Variants in PI4KA observed in about 807,000 individuals in gnomAD.
PI4KA encodes phosphatidylinositol 4-kinase alpha.
Under a neutral mutation model 271.4 loss-of-function variants are expected in PI4KA, and 122 were observed. That is an observed-to-expected ratio of 0.45 (90% CI 0.39 to 0.52). The LOEUF (loss-of-function observed/expected upper bound fraction) is 0.52, where lower values mean the gene tolerates loss of function less well. Ranked by LOEUF, PI4KA falls within the 20% of genes least tolerant of loss-of-function variation. The pLI is 0.00. For missense variants in PI4KA, 1,969 were observed against 2,769.1 expected, an observed-to-expected ratio of 0.71 and a Z score of 6.48; for synonymous variants, 1,041 against 1,078.8, an observed-to-expected ratio of 0.96 and a Z score of 0.69.
At chr22:20,716,999 A>G (rs1176895639) in intron 45 of PI4KA, among the ~76,000 whole-genome samples, 1 of 152,164 alleles carries the variant, frequency 6.6e-6, no homozygotes, top group Non-Finnish European at 1.5e-5. Context: ...TAATCCTAGC[A>G]CTTTGGGAGG....
At chr22:20,748,198 G>A (rs1930317765) in intron 28 of PI4KA, among the ~76,000 whole-genome samples, 2 of 152,246 alleles carry the variant, frequency 1.3e-5, no homozygotes, top group Admixed American at 1.3e-4. Context: ...ATTTGACTGA[G>A]GACAAGGCCA....
At chr22:20,784,285 T>C in intron 19 of PI4KA, 3 of 1,612,794 alleles carry the variant, frequency 1.9e-6, no homozygotes, top group Non-Finnish European at 1.7e-6. Flanking sequence ...AGCTCCCAGA[T>C]GCTGGGGGTG....
At chr22:20,726,629 GC>G in intron 41 of PI4KA, 88 bp from the exon 42 acceptor site, 1 of 1,194,226 alleles carries the variant, frequency 8.4e-7, no homozygotes, top group Non-Finnish European at 1.2e-6. Flanking sequence ...CTTCTGCTCT[GC>G]CCACAGCAGG....
At chr22:20,814,020 AAC>A (rs1921410816) in intron 7 of PI4KA, among the ~76,000 whole-genome samples, 2 of 152,172 alleles carry the variant, frequency 1.3e-5, no homozygotes, top group Non-Finnish European at 2.9e-5. Context: ...GCTAGTCTCG[AAC>A]TCCTGACCTC....
intron 19 of PI4KA, among the ~76,000 whole-genome samples, chr22:20,790,169 G>A (rs957560799): frequency 6.6e-6 from 1 of 152,112 alleles, no homozygotes; most frequent in Admixed American, 6.5e-5. Context: ...CCAGGAAGGA[G>A]CCTCAGAGAT....
At chr22:20,784,124 G>A (rs1201336027) in intron 19 of PI4KA, 3 of 1,614,148 alleles carry the variant, frequency 1.9e-6, no homozygotes, top group Non-Finnish European at 2.5e-6. Flanking sequence ...CCTCCAGCTG[G>A]AATACGTGGG....
chr22:20,835,417 G>T (rs1427904259), intron 2 of PI4KA, among the ~76,000 whole-genome samples: 2 of 152,168 alleles, frequency 1.3e-5, no homozygotes, highest in Admixed American at 6.5e-5. Context: ...CAAACCACAT[G>T]GTAGTTTTAA....
intron 23 of PI4KA, among the ~76,000 whole-genome samples, chr22:20,755,582 CTT>C (rs1931195154): frequency 6.6e-6 from 1 of 152,036 alleles, no homozygotes; most frequent in Admixed American, 6.6e-5. Context: ...GGGTGGATCA[CTT>C]GAGGTCAGGA....
intron 2 of PI4KA, among the ~76,000 whole-genome samples, chr22:20,837,711 T>C (rs1340998181): frequency 6.6e-6 from 1 of 152,210 alleles, no homozygotes; most frequent in East Asian, 1.9e-4. Flanking sequence ...CAATGATCAA[T>C]CATTTGTTTC....
intron 3 of PI4KA, 45 bp downstream of exon 3, chr22:20,834,517 T>A: frequency 9.1e-7 from 1 of 1,100,402 alleles, no homozygotes; most frequent in Non-Finnish European, 1.4e-6. Flanking sequence ...ACACTGAACA[T>A]GTGTATTTTC....
At chr22:20,796,964 T>C (rs545079281) in intron 17 of PI4KA, among the ~76,000 whole-genome samples, 1 of 152,324 alleles carries the variant, frequency 6.6e-6, no homozygotes. Context: ...GACTCTGTCA[T>C]GTCCAAGCGG....
chr22:20,841,782 T>A (rs903124802), intron 1 of PI4KA, among the ~76,000 whole-genome samples: 2 of 151,956 alleles, frequency 1.3e-5, no homozygotes, highest in Non-Finnish European at 2.9e-5. Context: ...ATCACAAAGG[T>A]CATTAAAAGG....
chr22:20,752,711 A>C (rs1930839496), intron 25 of PI4KA, among the ~76,000 whole-genome samples, 192 bp downstream of exon 25: 1 of 152,178 alleles, frequency 6.6e-6, no homozygotes, highest in Admixed American at 6.5e-5. Flanking sequence ...AATGAACAGA[A>C]GTTTCTGCAC....
At chr22:20,799,016 T>C in intron 16 of PI4KA, 77 bp downstream of exon 16, 3 of 1,200,480 alleles carry the variant, frequency 2.5e-6, no homozygotes, top group Non-Finnish European at 3.5e-6. Flanking sequence ...TTAATCTGTA[T>C]TTGTACATCC....
At chr22:20,847,990 A>C (rs12170128) in intron 1 of PI4KA, among the ~76,000 whole-genome samples, 6,376 of 152,146 alleles carry the variant, frequency 0.042, 421 homozygotes, top group African/African-American at 0.14. Flanking sequence ...ATAATCCCAG[A>C]ACTTTGAGGG....
chr22:20,752,830 A>G (rs1601408753), intron 25 of PI4KA, 73 bp downstream of exon 25: 1 of 1,510,588 alleles, frequency 6.6e-7, no homozygotes, highest in Admixed American at 1.7e-5. Flanking sequence ...TATAAGGATG[A>G]TTTTTCCCAG....
At chr22:20,836,475 A>G (rs949456083) in intron 2 of PI4KA, among the ~76,000 whole-genome samples, 1 of 152,222 alleles carries the variant, frequency 6.6e-6, no homozygotes. Flanking sequence ...CCTGAACCAC[A>G]TGGCCTCCTG....
intron 19 of PI4KA, among the ~76,000 whole-genome samples, chr22:20,791,722 C>T (rs1211574706): frequency 6.6e-6 from 1 of 152,112 alleles, no homozygotes; most frequent in South Asian, 2.1e-4. Flanking sequence ...TCTGCCACTG[C>T]ACTCCAATCT....
At chr22:20,769,133 A>C (rs994018361) in intron 19 of PI4KA, among the ~76,000 whole-genome samples, 1 of 152,232 alleles carries the variant, frequency 6.6e-6, no homozygotes, top group Non-Finnish European at 1.5e-5. Flanking sequence ...TGAGAACAGT[A>C]GCTCCACGTG....
Sources: allele counts gnomAD v4.1 joint callset (sites outside exome capture counted in the v4.1 genomes callset), GRCh38; gene constraint gnomAD v4.1.1; transcripts MANE v1.5; gene names NCBI Gene and HGNC (gene_info 2026-07-23, HGNC 2026-07-21).